Variants in RNASEH2B observed in about 807,000 individuals in gnomAD.
The protein encoded by RNASEH2B is Aicardi-Goutieres syndrome 2 protein.
In RNASEH2B, 36 loss-of-function variants were observed where a neutral mutation model predicts 45.0. The observed-to-expected ratio is 0.80, with a 90% CI of 0.61 to 1.06. The LOEUF (loss-of-function observed/expected upper bound fraction) is 1.06, where lower values mean the gene tolerates loss of function less well. Ranked by LOEUF, RNASEH2B falls within the 50% of genes least tolerant of loss-of-function variation. RNASEH2B has a pLI of 0.00. For synonymous variants in RNASEH2B, 119 were observed against 125.7 expected, an observed-to-expected ratio of 0.95 and a Z score of 0.35; for missense variants, 361 against 360.3, an observed-to-expected ratio of 1.00 and a Z score of -0.02.
At chr13:50,963,118 T>C (rs1016669493) in intron 9 of RNASEH2B, among the ~76,000 whole-genome samples, 2 of 152,084 alleles carry the variant, frequency 1.3e-5, no homozygotes, top group African/African-American at 4.8e-5. Flanking sequence ...CATCTTCTGT[T>C]AACCTTAGTT....
chr13:50,942,091 G>T (rs1464805280), intron 5 of RNASEH2B: 1 of 152,186 alleles, frequency 6.6e-6, no homozygotes, highest in Admixed American at 6.5e-5. Context: ...ATATAACTCA[G>T]AGGTGGTAAA....
intron 9 of RNASEH2B, chr13:50,950,916 C>G (rs1052347614): frequency 6.6e-6 from 1 of 152,202 alleles, no homozygotes; most frequent in African/African-American, 2.4e-5. Context: ...TCTTCTAAAG[C>G]CAGACAGTAA....
At chr13:50,932,968 C>T (rs540242166) in intron 4 of RNASEH2B, among the ~76,000 whole-genome samples, 2 of 152,322 alleles carry the variant, frequency 1.3e-5, no homozygotes, top group East Asian at 3.9e-4. Context: ...AGTTTTATCC[C>T]TTCGTTTAAT....
exon 10 of RNASEH2B, chr13:50,970,265 T>C (rs1382162453): frequency 2.1e-5 from 11 of 530,614 alleles, no homozygotes; most frequent in Admixed American, 2.0e-4. Context: ...GTTTTAGGTA[T>C]GGATGTGGTG....
rs116231172 is a variant in RNASEH2B, at chr13:50,967,154, G to A, written c.742-2778G>A. Among the ~76,000 whole-genome samples the A allele has an allele frequency of 8.7e-3, 1,321 of 152,200 alleles. 15 individuals are homozygous for A. Among genetic ancestry groups the A allele is most frequent in the African/African-American group, 0.03 (1,255 of 41,536 alleles). On this transcript the variant is annotated intron_variant, in intron 9 of 9. Coordinates refer to the RNASEH2B transcript ENST00000422660. ...GGGAGCCATGTCTCCTTTACACCTGGGAGGAAAGTGCTTTTAGAGTTATCT... is the reference window on the plus strand; with the variant it reads ...GGGAGCCATGTCTCCTTTACACCTGAGAGGAAAGTGCTTTTAGAGTTATCT...
At chr13:50,958,462 G>C (rs553532107), downstream of RNASEH2B, among the ~76,000 whole-genome samples, 1 of 151,978 alleles carries the variant, frequency 6.6e-6, no homozygotes, top group Non-Finnish European at 1.5e-5. Context: ...GTCTGTTTTT[G>C]TATCAGTACT....
At chr13:50,938,010 C>T (rs1427189889) in intron 5 of RNASEH2B, 1 of 152,062 alleles carries the variant, frequency 6.6e-6, no homozygotes, top group Non-Finnish European at 1.5e-5. Context: ...TATTCATAGA[C>T]AATATTGTCA....
chr13:50,963,091 T>C (rs1952127269), intron 9 of RNASEH2B, among the ~76,000 whole-genome samples: 1 of 152,076 alleles, frequency 6.6e-6, no homozygotes, highest in Non-Finnish European at 1.5e-5. Flanking sequence ...TCAAGTTTAC[T>C]TTGATTTATA....
At chr13:50,914,058 T>G (rs2137882329) in intron 1 of RNASEH2B, among the ~76,000 whole-genome samples, 1 of 152,076 alleles carries the variant, frequency 6.6e-6, no homozygotes, top group East Asian at 1.9e-4. Context: ...TTTTTTTTTT[T>G]TTTGGTCCAC....
At chr13:50,936,412 T>C (rs983112284) in intron 5 of RNASEH2B, 2 of 152,022 alleles carry the variant, frequency 1.3e-5, no homozygotes, top group Non-Finnish European at 2.9e-5. Context: ...AAGCTTACAG[T>C]GGGAAAGAGA....
intron 1 of RNASEH2B, 143 bp downstream of exon 1, chr13:50,910,283 G>A: frequency 1.9e-6 from 1 of 523,508 alleles, no homozygotes; most frequent in Non-Finnish European, 3.1e-6. Context: ...AGCTGGCCCC[G>A]CATTTTGGTC....
chr13:50,945,400 G>C, intron 6 of RNASEH2B, 27 bp from the exon 7 acceptor site: 1 of 1,490,806 alleles, frequency 6.7e-7, no homozygotes, highest in South Asian at 1.1e-5. Context: ...AAAATACCCT[G>C]CCTTTCCCCT....
intron 9 of RNASEH2B, among the ~76,000 whole-genome samples, chr13:50,965,376 G>A (rs1210534892): frequency 1.3e-5 from 2 of 152,142 alleles, no homozygotes; most frequent in Non-Finnish European, 2.9e-5. Flanking sequence ...ACACAACAAC[G>A]AAATTGCTTA....
intron 2 of RNASEH2B, among the ~76,000 whole-genome samples, chr13:50,928,932 C>CTTT (rs35147830): frequency 7.9e-4 from 69 of 87,858 alleles, no homozygotes; most frequent in African/African-American, 2.1e-3. Flanking sequence ...TGCCTCCTCC[C>CTTT]TTTTTTTTTT....
chr13:50,948,589 T>C (rs1951936424), intron 8 of RNASEH2B: 1 of 153,378 alleles, frequency 6.5e-6, no homozygotes, highest in East Asian at 1.9e-4. Flanking sequence ...TATGTTCCTT[T>C]CTTTATAAAG....
rs563599634 is a variant in RNASEH2B at position 50,966,399 on chromosome 13, C to T, written c.742-3533C>T. Among the ~76,000 whole-genome samples the T allele has an allele frequency of 1.7e-4, 26 of 152,316 alleles. No individual in the cohort carries two copies. The South Asian group carries it at 5.2e-3, about 30-fold the overall frequency. On this transcript the variant is annotated intron_variant, in intron 9 of 9. Coordinates refer to the RNASEH2B transcript ENST00000422660. ...GGCCCTTTGCTTCTCTTACTTACAT[C>T]ATTTTTCTCTTTGATTAATGTGCCA...
intron 4 of RNASEH2B, 175 bp downstream of exon 4, chr13:50,930,934 G>A: frequency 1.6e-6 from 1 of 635,926 alleles, no homozygotes; most frequent in Non-Finnish European, 2.9e-6. Flanking sequence ...TACTGCACAG[G>A]CCAGAGAAGC....
chr13:50,962,052 T>C (rs1952117348), intron 9 of RNASEH2B, among the ~76,000 whole-genome samples: 1 of 152,222 alleles, frequency 6.6e-6, no homozygotes, highest in African/African-American at 2.4e-5. Context: ...AGATAATCCC[T>C]ACTTGGTCAC....
At position 50,956,579 on chromosome 13, in the gene RNASEH2B, A is replaced by C. The variant is rs1952054521; in HGVS notation, c.*105A>C. 1 of 1,517,998 alleles carries C rather than the reference A, an allele frequency of 6.6e-7. No individual in the cohort carries two copies. The highest frequency in any genetic ancestry group is 2.1e-5 in the Admixed American group (1 of 47,286). 94.0% of individuals were successfully genotyped at this position (1,517,998 alleles called of 1,614,324 possible). On this transcript the variant is annotated 3_prime_UTR_variant, in exon 11 of 11. Coordinates refer to ENST00000336617, the MANE Select transcript of RNASEH2B (RefSeq NM_024570.4). ...TTTGGTTGGGGGAAGGAAGAGGCCA[A>C]TTTCATGTTCTCTTAAACATTTCTT...
Sources: allele counts gnomAD v4.1 joint callset (sites outside exome capture counted in the v4.1 genomes callset), GRCh38; gene constraint gnomAD v4.1.1; transcripts MANE v1.5; gene names NCBI Gene and HGNC (gene_info 2026-07-23, HGNC 2026-07-21).